The following PHF3 variants were observed in gnomAD, a reference collection of about 807,000 sequenced individuals.
PHF3 encodes the protein PHD finger protein 3.
In PHF3, 41 loss-of-function variants were observed where a neutral mutation model predicts 178.4. That is an observed-to-expected ratio of 0.23 (90% CI 0.18 to 0.30). PHF3 has a LOEUF of 0.30. PHF3 is among the 10% of genes least tolerant of loss of function. PHF3 has a pLI of 1.00. For synonymous variants in PHF3, 842 were observed against 800.5 expected (o/e 1.05, Z -0.88); for missense variants, 2,346 against 2,398.1 (o/e 0.98, Z 0.45).
In PHF3 at chr6:63,713,584, C is replaced by T. The variant is rs755204097; in HGVS notation, c.5996C>T (p.Pro1999Leu). The T allele has an allele frequency of 6.2e-7, 1 of 1,613,244 alleles. No individual in the cohort carries two copies. Among genetic ancestry groups the T allele is most frequent in the Non-Finnish European group, 8.5e-7 (1 of 1,179,802 alleles). The change falls in exon 16 of 16, where the codon CCT (proline) becomes CTT (leucine). Residue 1999 changes from proline to leucine, a missense_variant. This residue lies in a region of PHF3 where 839 missense variants were observed against 806.9 expected (regional missense o/e 1.04). Transcript: ENST00000262043. ...AATGTAGACAAGAAGCCAGATAAAC[C>T]TAAAAGTGAAGACTATGAGAAGGAC... The part of the protein sequence containing the change: ...SRNVDKKPDK[P>L]KSEDYEKDKE...
At chr6:63,640,268 C>T (rs569621142) in intron 1 of PHF3, among the ~76,000 whole-genome samples, 2 of 152,184 alleles carry the variant, frequency 1.3e-5, no homozygotes, top group East Asian at 1.9e-4. Flanking sequence ...ATTTTTGACT[C>T]TGTCCTCGAA....
At chr6:63,708,695 T>C (rs1199557714) in intron 13 of PHF3, among the ~76,000 whole-genome samples, 1 of 152,194 alleles carries the variant, frequency 6.6e-6, no homozygotes, top group East Asian at 1.9e-4. Context: ...TATTACAATA[T>C]TATTCTCCTT....
At chr6:63,667,612 T>G (rs938113975) in intron 2 of PHF3, among the ~76,000 whole-genome samples, 2 of 152,218 alleles carry the variant, frequency 1.3e-5, no homozygotes, top group Non-Finnish European at 2.9e-5. Context: ...AAATTAGTCA[T>G]TTGTCCCCAA....
At chr6:63,698,117 T>A (rs1286199511) in intron 6 of PHF3, 106 bp from the exon 7 acceptor site, 6 of 882,894 alleles carry the variant, frequency 6.8e-6, no homozygotes, top group Non-Finnish European at 1.0e-5. Context: ...TCTGATCTTA[T>A]TTCTAAATAG....
At position 63,684,849 on chromosome 6, in the gene PHF3, A is replaced by G; in HGVS notation, c.1127A>G (p.Glu376Gly). 1 of 1,613,966 alleles carries G rather than the reference A, an allele frequency of 6.2e-7. No individual in the cohort carries two copies. The highest frequency in any genetic ancestry group is 8.5e-7 in the Non-Finnish European group (1 of 1,179,866). The change falls in exon 4 of 16, where the codon GAA becomes GGA. Residue 376 changes from glutamate (E) to glycine (G), a missense_variant. Glu to Gly is a moderately conservative substitution (Grantham distance 98). This residue lies in a region of PHF3 where 843 missense variants were observed against 795.2 expected (regional missense o/e 1.06). Coordinates refer to ENST00000262043, the MANE Select transcript of PHF3 (RefSeq NM_001370348.2). ...GATGAAGTGACTGAATGTAATTTGG[A>G]ATTGAAGGATACCATGGGTATTGCT... ...CVDEVTECNL[E>G]LKDTMGIADK...
chr6:63,686,475 G>A (rs1185908941), intron 4 of PHF3, among the ~76,000 whole-genome samples: 1 of 151,974 alleles, frequency 6.6e-6, no homozygotes. Context: ...AGTGAAAAAC[G>A]TATTTCTTTT....
Position 63,719,550 on chromosome 6 carries a change from A to G in PHF3, c.*5842A>G, listed in dbSNP as rs573935659. 2.6e-5 allele frequency among the ~76,000 whole-genome samples: 4 copies of G among 152,212 alleles called. No homozygotes were observed. The South Asian group carries it at 8.3e-4, about 32-fold the overall frequency. On this transcript the variant is annotated 3_prime_UTR_variant, in exon 16 of 16. Coordinates refer to ENST00000262043, the MANE Select transcript of PHF3 (RefSeq NM_001370348.2). Reference sequence around the variant, plus strand: ...CAGCAGTAACTGCTTTCCAACCTGCAGTGGTGGACTGGGAGTGGGAAGTGA... The same window carrying G: ...CAGCAGTAACTGCTTTCCAACCTGCGGTGGTGGACTGGGAGTGGGAAGTGA...
At chr6:63,644,983 T>C (rs1270078406) in intron 1 of PHF3, among the ~76,000 whole-genome samples, 1 of 151,672 alleles carries the variant, frequency 6.6e-6, no homozygotes, top group East Asian at 1.9e-4. Context: ...CGGGCTTAAG[T>C]GATCCTCCCA....
intron 13 of PHF3, among the ~76,000 whole-genome samples, chr6:63,707,432 TAGAA>T (rs781709713): frequency 1.4e-4 from 21 of 152,290 alleles, no homozygotes; most frequent in Middle Eastern, 3.4e-3. Context: ...CTGAGGGAAA[TAGAA>T]AGAAACTATT....
At chr6:63,651,647 C>T (rs1039202640) in intron 2 of PHF3, among the ~76,000 whole-genome samples, 10 of 152,294 alleles carry the variant, frequency 6.6e-5, no homozygotes, top group Non-Finnish European at 1.0e-4. Context: ...CAGGTGTGTG[C>T]CACTGTGCCC....
rs1025248212 is a variant in PHF3, at chr6:63,678,914, C to G, written c.245-1086C>G. On this transcript the variant is annotated intron_variant, in intron 2 of 15. Transcript: ENST00000262043. Reference sequence around the variant, plus strand: ...ACTAGATAACTCCTTGAGGTTCCTTCTAACCCCTAGGATGAAGATAATAAC... The same window carrying G: ...ACTAGATAACTCCTTGAGGTTCCTTGTAACCCCTAGGATGAAGATAATAAC... 7 of 425,152 alleles carry G rather than the reference C, an allele frequency of 1.6e-5. No individual in the cohort carries two copies. The East Asian group carries it at 2.9e-4, about 17-fold the overall frequency. The allele number at this position is 425,152 out of a possible 1,614,324, so 26.3% of individuals were successfully genotyped here. A position where few individuals can be genotyped will look rare whatever the true frequency, so the allele number is the denominator to read the frequency against.
In PHF3 at chr6:63,721,343, A is replaced by C; in HGVS notation, c.*7635A>C. The C allele has an allele frequency of 6.4e-7, 1 of 1,551,956 alleles. No homozygotes were observed. The highest frequency in any genetic ancestry group is 1.4e-5 in the African/African-American group (1 of 73,154). ...AATCTGGCAAACATCTGCAAGAAAAAGTTGTGCCATTTACTGTACATTCAC... is the reference window on the plus strand; with the variant it reads ...AATCTGGCAAACATCTGCAAGAAAACGTTGTGCCATTTACTGTACATTCAC... On this transcript the variant is annotated 3_prime_UTR_variant, in exon 16 of 16. Transcript: ENST00000262043.
At chr6:63,642,497 T>C (rs1184606629) in intron 1 of PHF3, among the ~76,000 whole-genome samples, 1 of 152,232 alleles carries the variant, frequency 6.6e-6, no homozygotes, top group Non-Finnish European at 1.5e-5. Flanking sequence ...ATGAATAATT[T>C]TGAATTATGC....
At position 63,698,578 on chromosome 6, in the gene PHF3, G is replaced by A; in HGVS notation, c.2955G>A (p.Met985Ile). The A allele has an allele frequency of 6.4e-7, 1 of 1,574,470 alleles. No individual in the cohort carries two copies. The highest frequency in any genetic ancestry group is 2.2e-5 in the East Asian group (1 of 44,460). The change falls in exon 8 of 16, where the codon ATG (methionine) becomes ATA (isoleucine). Residue 985 changes from methionine to isoleucine, a missense_variant. Met to Ile is a conservative substitution (Grantham distance 10, BLOSUM62 1). This residue lies in a region of PHF3 where 45 missense variants were observed against 87.9 expected (regional missense o/e 0.51). Coordinates refer to ENST00000262043, the MANE Select transcript of PHF3 (RefSeq NM_001370348.2). ...ATAAGAACAAATATAGAAGTTTGAT[G>A]TTTAATTTGAAAGATCCTAAAAACA... Reference protein sequence around the residue: ...AKYKNKYRSLMFNLKDPKNNI... With the variant: ...AKYKNKYRSLIFNLKDPKNNI...
In PHF3 at chr6:63,715,811, A is replaced by AGG. The variant is rs1354672921; in HGVS notation, c.*2103_*2104insGG. Among the ~76,000 whole-genome samples the AGG allele has an allele frequency of 2.6e-5, 4 of 152,054 alleles. No homozygotes were observed. Among genetic ancestry groups the AGG allele is most frequent in the Non-Finnish European group, 5.9e-5 (4 of 67,990 alleles). The stretch of plus-strand genomic sequence containing the variant: ...CTATTTGAGGTTTTCCTTTTGAGGA[A>AGG]AAAAAGGGAAAATGAGCAGATTTTT... On this transcript the variant is annotated 3_prime_UTR_variant, in exon 16 of 16. Transcript: ENST00000262043.
At chr6:63,710,652 C>T (rs1251937141) in intron 14 of PHF3, among the ~76,000 whole-genome samples, 1 of 152,188 alleles carries the variant, frequency 6.6e-6, no homozygotes, top group Non-Finnish European at 1.5e-5. Context: ...AAGGTCTCTT[C>T]ATCCAGCCCT....
intron 8 of PHF3, 30 bp downstream of exon 8, chr6:63,698,635 T>C (rs562766781): frequency 3.4e-6 from 5 of 1,471,478 alleles, no homozygotes; most frequent in African/African-American, 1.4e-5. Context: ...ATGTTTATGC[T>C]TCCAACTTTC....
In PHF3 at chr6:63,684,553, A is replaced by G; in HGVS notation, c.831A>G (p.Lys277=). 1 of 1,613,898 alleles carries G rather than the reference A, an allele frequency of 6.2e-7. No homozygotes were observed. The highest frequency in any genetic ancestry group is 1.3e-5 in the African/African-American group (1 of 75,038). Residue 277 remains lysine (K), a synonymous_variant, in exon 4 of 16, where the codon AAA becomes AAG. Coordinates refer to ENST00000262043, the MANE Select transcript of PHF3 (RefSeq NM_001370348.2). ...AAAATGAAGCTTTGATGGAATGTAA[A>G]GCCAAGCCTGTTGGTAGTCCATTGT... ...EKKNEALMEC[K]AKPVGSPLFK...
At chr6:63,701,390 TG>T (rs1205932396) in intron 9 of PHF3, among the ~76,000 whole-genome samples, 36 of 152,326 alleles carry the variant, frequency 2.4e-4, no homozygotes, top group African/African-American at 8.4e-4. Flanking sequence ...CAAGAATTTT[TG>T]TTTGGAGATT....
Sources: allele counts gnomAD v4.1 joint callset (sites outside exome capture counted in the v4.1 genomes callset), GRCh38; gene constraint gnomAD v4.1.1; regional missense constraint gnomAD v4.1.1; transcripts MANE v1.5; gene names NCBI Gene and HGNC (gene_info 2026-07-23, HGNC 2026-07-21).